The following DCHS2 variants were observed in gnomAD, a reference collection of about 807,000 sequenced individuals.
DCHS2 encodes dachsous cadherin-related 2.
A neutral mutation model predicts 182.4 loss-of-function variants in DCHS2; 142 were observed. That is an observed-to-expected ratio of 0.78 (90% CI 0.68 to 0.89). The LOEUF (loss-of-function observed/expected upper bound fraction) is 0.89, where lower values mean the gene tolerates loss of function less well. Among genes scored for constraint, DCHS2 ranks in the 40% least tolerant of loss-of-function variants. The pLI, the probability that DCHS2 is intolerant of heterozygous loss-of-function variation, is 0.00. For synonymous variants in DCHS2, 1,740 were observed against 1,663.3 expected, an observed-to-expected ratio of 1.05 and a Z score of -1.12; for missense variants, 4,319 against 4,198.6, an observed-to-expected ratio of 1.03 and a Z score of -0.79.
At chr4:154,314,168 C>T (rs989974775) in intron 10 of DCHS2, among the ~76,000 whole-genome samples, 6 of 152,160 alleles carry the variant, frequency 3.9e-5, no homozygotes, top group African/African-American at 1.4e-4. Context: ...ACATACCTTA[C>T]TGTTTGCAAA....
chr4:154,323,117 T>G, intron 7 of DCHS2: 2 of 1,387,586 alleles, frequency 1.4e-6, no homozygotes, highest in Non-Finnish European at 9.6e-7. Context: ...AACTGGAACT[T>G]GTATCCTGAC....
rs751584899 is a variant in DCHS2 at position 154,332,855 on chromosome 4, G to A, written c.3353C>T (p.Ser1118Leu). 5.6e-6 allele frequency: 9 copies of A among 1,614,242 alleles called. 1 individual carries two copies. In the South Asian group the frequency reaches 9.9e-5, roughly 18 times the overall value. The part of the protein sequence containing the change: ...AHPLGPQRAA[S>L]PLRYSLEPSV... The stretch of plus-strand genomic sequence containing the variant: ...GGGTTCCAGCGAGTACCTAAGAGGC[G>A]AGGCTGCACGCTGGGGGCCAAGTGG... The change falls in exon 5 of 20, where the codon TCG (serine) becomes TTG (leucine). Residue 1118 changes from serine (S) to leucine (L), a missense_variant. Transcript: ENST00000357232.
Position 154,335,039 on chromosome 4 carries a change from C to A in DCHS2, c.2542G>T (p.Ala848Ser), listed in dbSNP as rs1436939113. 1 of 1,613,956 alleles carries A rather than the reference C, an allele frequency of 6.2e-7. No homozygotes were observed. The highest frequency in any genetic ancestry group is 8.5e-7 in the Non-Finnish European group (1 of 1,179,854). Residue 848 changes from alanine to serine, a missense_variant, in exon 4 of 20, where the codon GCT becomes TCT. Physicochemically the swap from Ala to Ser is moderately conservative, Grantham distance 99. Transcript: ENST00000357232. ...ESTTLSLMVS[A>S]QDGGGLTAVI... ...GCTGTGAGCCCACCACCGTCTTGAG[C>A]AGAGACCATCAACGAAAGTGTGGTA...
intron 15 of DCHS2, among the ~76,000 whole-genome samples, 185 bp from the exon 16 acceptor site, chr4:154,255,855 G>A (rs554444924): frequency 2.6e-5 from 4 of 152,262 alleles, no homozygotes; most frequent in African/African-American, 9.6e-5. Flanking sequence ...TGAGTGATGG[G>A]GGAAATTCTT....
intron 9 of DCHS2, among the ~76,000 whole-genome samples, chr4:154,318,478 G>T (rs1735939056): frequency 6.6e-6 from 1 of 151,822 alleles, no homozygotes; most frequent in Non-Finnish European, 1.5e-5. Flanking sequence ...AAATCCTAAA[G>T]ACTCCACCAA....
intron 1 of DCHS2, among the ~76,000 whole-genome samples, chr4:154,434,230 G>A (rs1312789466): frequency 6.6e-6 from 1 of 152,126 alleles, no homozygotes; most frequent in East Asian, 1.9e-4. Context: ...GACCAACCTG[G>A]ACAATAGAGT....
chr4:154,389,584 T>C (rs1731590336), intron 1 of DCHS2, among the ~76,000 whole-genome samples: 2 of 148,074 alleles, frequency 1.4e-5, no homozygotes, highest in South Asian at 4.5e-4. Flanking sequence ...ATGCTTTCAC[T>C]GAGTGAAATT....
intron 5 of DCHS2, chr4:154,331,643 A>T: frequency 6.2e-7 from 1 of 1,613,978 alleles, no homozygotes; most frequent in Non-Finnish European, 8.5e-7. Flanking sequence ...TCAGAACTGA[A>T]TGCAAAGTCT....
rs144653454 is a variant in DCHS2, at chr4:154,387,515, T to C, written c.2053-10071A>G. On this transcript the variant is annotated intron_variant, in intron 1 of 19. Transcript: ENST00000357232. The stretch of plus-strand genomic sequence containing the variant: ...ACATGAGGAAAAATCAGGATTGATA[T>C]TAACCTCAGACCAAAAGAGATTCTA... Among the ~76,000 whole-genome samples, 51 of 151,902 alleles carry C rather than the reference T, an allele frequency of 3.4e-4. No homozygotes were observed. In the East Asian group the frequency reaches 7.6e-3, roughly 23 times the overall value.
At chr4:154,339,361 G>A (rs1728956758) in intron 3 of DCHS2, among the ~76,000 whole-genome samples, 1 of 152,112 alleles carries the variant, frequency 6.6e-6, no homozygotes, top group Non-Finnish European at 1.5e-5. Context: ...TCCACCCACA[G>A]AGACACCCAG....
chr4:154,424,791 C>T (rs962910566), intron 1 of DCHS2, among the ~76,000 whole-genome samples: 1 of 152,104 alleles, frequency 6.6e-6, no homozygotes, highest in African/African-American at 2.4e-5. Flanking sequence ...TCATTCAAGC[C>T]CTCCTATTTA....
At chr4:154,470,289 G>T (rs10857276) in intron 1 of DCHS2, among the ~76,000 whole-genome samples, 76,880 of 151,826 alleles carry the variant, frequency 0.51, 20,247 homozygotes, top group East Asian at 0.84. Flanking sequence ...TTTGAGGCTA[G>T]CCTGGGCAAC....
At chr4:154,400,510 A>G (rs539927859) in intron 1 of DCHS2, among the ~76,000 whole-genome samples, 14 of 152,096 alleles carry the variant, frequency 9.2e-5, no homozygotes, top group Non-Finnish European at 1.9e-4. Flanking sequence ...GTTGGATGCT[A>G]CCTGACACCC....
intron 3 of DCHS2, among the ~76,000 whole-genome samples, chr4:154,335,992 A>G (rs1407263872): frequency 6.6e-6 from 1 of 152,212 alleles, no homozygotes; most frequent in Non-Finnish European, 1.5e-5. Flanking sequence ...AACCTGCTCA[A>G]GTGCCAGAAT....
intron 1 of DCHS2, among the ~76,000 whole-genome samples, chr4:154,481,773 G>A (rs1186240377): frequency 6.6e-6 from 1 of 152,136 alleles, no homozygotes; most frequent in African/African-American, 2.4e-5. Context: ...GCTTACAAAG[G>A]TTTAGGAATT....
chr4:154,366,167 A>G (rs1038431449), intron 3 of DCHS2, 43 bp downstream of exon 3: 7 of 1,540,146 alleles, frequency 4.5e-6, no homozygotes, highest in African/African-American at 1.4e-5. Context: ...GTTAAGCAGA[A>G]ACTTTATAGC....
chr4:154,416,382 C>A lies in DCHS2; in HGVS notation c.2053-38938G>T, dbSNP rs998929273. On this transcript the variant is annotated intron_variant, in intron 1 of 19. Coordinates refer to ENST00000357232, the MANE Select transcript of DCHS2 (RefSeq NM_001358235.2). Reference sequence around the variant, plus strand: ...TCCCAGGATCATTAGCAGCTGACAGCGCAGGGAGGCTGTGTTTATCCAACA... The same window carrying A: ...TCCCAGGATCATTAGCAGCTGACAGAGCAGGGAGGCTGTGTTTATCCAACA... 4.9e-4 allele frequency among the ~76,000 whole-genome samples: 74 copies of A among 152,220 alleles called. 3 individuals carry two copies. Among genetic ancestry groups the A allele is most frequent in the Non-Finnish European group, 1.5e-5 (1 of 68,044 alleles).
At chr4:154,451,119 C>T (rs531473847) in intron 1 of DCHS2, among the ~76,000 whole-genome samples, 28 of 152,132 alleles carry the variant, frequency 1.8e-4, no homozygotes, top group Non-Finnish European at 3.1e-4. Flanking sequence ...GTCCAGGATG[C>T]TATGCTGGCT....
intron 14 of DCHS2, among the ~76,000 whole-genome samples, chr4:154,266,001 G>C (rs543184462): frequency 6.1e-4 from 93 of 152,238 alleles, no homozygotes; most frequent in Non-Finnish European, 1.1e-3. Context: ...AATTAACAAC[G>C]ACTAATAAAA....
Sources: allele counts gnomAD v4.1 joint callset (sites outside exome capture counted in the v4.1 genomes callset), GRCh38; gene constraint gnomAD v4.1.1; transcripts MANE v1.5; gene names NCBI Gene and HGNC (gene_info 2026-07-23, HGNC 2026-07-21).